The following POLR2F variants were observed in gnomAD, a reference collection of about 807,000 sequenced individuals.
POLR2F encodes the protein DNA-directed RNA polymerases I, II, and III subunit RPABC2.
POLR2F carries 12 observed loss-of-function variants against 22.7 expected under a neutral mutation model. The ratio of observed to expected loss-of-function variants is 0.53; its 90% CI spans 0.34 to 0.86. The LOEUF is 0.86. POLR2F is among the 40% of genes least tolerant of loss of function. The probability of loss-of-function intolerance (pLI) is 0.02; values close to 1 mark genes in which losing one functional copy is unlikely to be tolerated. For synonymous variants in POLR2F, 57 were observed against 66.0 expected (o/e 0.86, Z 0.66); for missense variants, 126 against 171.5 (o/e 0.73, Z 1.48).
chr22:38,001,233 T>C (rs2084766548), intron 1 of POLR2F, among the ~76,000 whole-genome samples: 1 of 152,200 alleles, frequency 6.6e-6, no homozygotes, highest in Non-Finnish European at 1.5e-5. Flanking sequence ...CATGAGTTGT[T>C]GCAAGGCTCA....
At position 37,986,914 on chromosome 22, in the gene POLR2F, G is replaced by T. The variant is rs533782874; in HGVS notation, c.120+602G>T. On this transcript the variant is annotated intron_variant, in intron 1 of 2. Coordinates refer to the POLR2F transcript ENST00000333418. The surrounding 1 kb of genome is among the most constrained non-coding windows in gnomAD (Gnocchi z 4.7). ...GAGCTTGGAGAGGGGAGGGATCCTG[G>T]CTGAAGACACCTGGGCCTCTGCCCC... 3 of 452,120 alleles carry T rather than the reference G, an allele frequency of 6.6e-6. No individual in the cohort carries two copies. Among genetic ancestry groups the T allele is most frequent in the South Asian group, 4.7e-5 (3 of 64,224 alleles). 28.0% of individuals were successfully genotyped at this position (452,120 alleles called of 1,614,324 possible).
At chr22:38,023,610 A>G (rs947042641) in intron 1 of POLR2F, among the ~76,000 whole-genome samples, 4 of 152,092 alleles carry the variant, frequency 2.6e-5, no homozygotes, top group African/African-American at 9.7e-5. Context: ...CTGTATGCCC[A>G]TTAAACACTA....
chr22:38,041,229 T>G, downstream of POLR2F: 19 of 1,373,328 alleles, frequency 1.4e-5, no homozygotes, highest in East Asian at 7.6e-5. Flanking sequence ...CGGTCTAGAC[T>G]GATGGACCAG....
At chr22:38,020,203 A>G (rs1479779905) in intron 1 of POLR2F, among the ~76,000 whole-genome samples, 3 of 105,316 alleles carry the variant, frequency 2.8e-5, no homozygotes, top group Non-Finnish European at 3.7e-5. Context: ...ACACACACAT[A>G]TATACACACA....
At position 37,986,490 on chromosome 22, in the gene POLR2F, T is replaced by C. The variant is rs1053952450; in HGVS notation, c.120+178T>C. The C allele has an allele frequency of 1.1e-5, 15 of 1,378,570 alleles. No individual in the cohort carries two copies. The highest frequency in any genetic ancestry group is 1.4e-5 in the Non-Finnish European group (14 of 1,004,192). The allele number at this position is 1,378,570 out of a possible 1,614,324, so 85.4% of individuals were successfully genotyped here. A position where few individuals can be genotyped will look rare whatever the true frequency, so the allele number is the denominator to read the frequency against. ...TGGGGTCCCACAGCTGCCCCCTCTC[T>C]AACTCCCTGCTTCCTCCTTTGCCCT... is the stretch of plus-strand genomic sequence containing the variant. On this transcript the variant is annotated intron_variant, in intron 1 of 2. Coordinates refer to the POLR2F transcript ENST00000333418. The surrounding 1 kb of genome is among the most constrained non-coding windows in gnomAD (Gnocchi z 4.7).
rs916489152 is a variant in POLR2F at position 37,974,347 on chromosome 22, G to GTTTTTTT, written c.293+7180_293+7186dup. ...TTCACATTTTGGCAGCATGAGTCGG[G>GTTTTTTT]TTTTTTTTTGTTTTTTTTTTTTGAG... On this transcript the variant is annotated intron_variant, in intron 4 of 4. Coordinates refer to the POLR2F transcript ENST00000405557. The surrounding 1 kb of genome is among the most constrained non-coding windows in gnomAD (Gnocchi z 5.4). The GTTTTTTT allele has an allele frequency of 1.7e-6, 1 of 581,626 alleles. No homozygotes were observed. The highest frequency in any genetic ancestry group is 2.0e-5 in the African/African-American group (1 of 49,516). The allele number at this position is 581,626 out of a possible 1,614,324, so 36.0% of individuals were successfully genotyped here.
At chr22:37,955,661 C>T (rs1931365491) in intron 1 of POLR2F, among the ~76,000 whole-genome samples, 1 of 151,798 alleles carries the variant, frequency 6.6e-6, no homozygotes, top group Non-Finnish European at 1.5e-5. Context: ...GAACAAAAGT[C>T]GGATTTACTT....
At chr22:37,970,640 A>G (rs997660489), downstream of POLR2F, 1 of 150,310 alleles carries the variant, frequency 6.7e-6, no homozygotes, top group African/African-American at 2.4e-5. Context: ...AGTGGAGATA[A>G]TAGGACTGAC....
chr22:38,015,174 T>C (rs556686559), intron 1 of POLR2F, among the ~76,000 whole-genome samples: 2 of 152,304 alleles, frequency 1.3e-5, no homozygotes, highest in African/African-American at 4.8e-5. Flanking sequence ...GCTTTGAAGG[T>C]AGAGCTGACA....
chr22:37,963,607 A>T (rs895709388), intron 3 of POLR2F, among the ~76,000 whole-genome samples: 3 of 152,184 alleles, frequency 2.0e-5, no homozygotes, highest in African/African-American at 7.2e-5. Context: ...ACCATAAAGG[A>T]TAGCACAGGG....
At chr22:37,991,411 G>A (rs537614167) in intron 1 of POLR2F, among the ~76,000 whole-genome samples, 6 of 152,158 alleles carry the variant, frequency 3.9e-5, no homozygotes, top group South Asian at 2.1e-4. Flanking sequence ...GAGCCACTGC[G>A]CCTGGCCACC....
downstream of POLR2F, among the ~76,000 whole-genome samples, chr22:38,031,568 G>A (rs755646961): frequency 3.9e-5 from 6 of 152,064 alleles, no homozygotes; most frequent in African/African-American, 9.7e-5. The surrounding 1 kb of genome is among the most constrained non-coding windows in gnomAD (Gnocchi z 4.1). Flanking sequence ...ACCCTGTGCC[G>A]CTGTCCAGGT....
In POLR2F at chr22:38,017,357, T is replaced by C. The variant is rs942198617; in HGVS notation, c.121-8512T>C. 6.6e-6 allele frequency among the ~76,000 whole-genome samples: 1 copy of C among 152,018 alleles called. No homozygotes were observed. The highest frequency in any genetic ancestry group is 2.4e-5 in the African/African-American group (1 of 41,380). On this transcript the variant is annotated intron_variant, in intron 1 of 2. Coordinates refer to the POLR2F transcript ENST00000333418. The surrounding 1 kb of genome is among the most constrained non-coding windows in gnomAD (Gnocchi z 4.1). The stretch of plus-strand genomic sequence containing the variant: ...AGAGTGATCATGCTCAATGTCAGCT[T>C]GGCTCTTGGGGGTCTGTCTCCCAGC...
rs1379431529 is a variant in POLR2F at position 37,986,970 on chromosome 22, T to C, written c.120+658T>C. ...GACAACAGGAGGGCCAGTGTCACCT[T>C]CTCCTCCTTTCCCTGCTGGGGGTGG... is the stretch of plus-strand genomic sequence containing the variant. On this transcript the variant is annotated intron_variant, in intron 1 of 2. Transcript: ENST00000333418. This position sits in a 1 kb window ranked among gnomAD's most constrained non-coding sequence, Gnocchi z 4.7. 1 of 453,070 alleles carries C rather than the reference T, an allele frequency of 2.2e-6. No homozygotes were observed. The highest frequency in any genetic ancestry group is 4.5e-6 in the Non-Finnish European group (1 of 224,342). The allele number at this position is 453,070 out of a possible 1,614,324, so 28.1% of individuals were successfully genotyped here.
At chr22:37,971,363 T>C (rs1932046201), downstream of POLR2F, 1 of 463,816 alleles carries the variant, frequency 2.2e-6, no homozygotes, top group Non-Finnish European at 4.5e-6. Flanking sequence ...AAACCCTTGG[T>C]GGAGCACTTA....
intron 1 of POLR2F, among the ~76,000 whole-genome samples, chr22:37,998,660 G>A (rs538191038): frequency 1.3e-5 from 2 of 152,168 alleles, no homozygotes; most frequent in Admixed American, 6.5e-5. Context: ...GCAGAGGACC[G>A]GCCAGGAGAA....
chr22:37,994,295 C>T (rs550346701), intron 1 of POLR2F, among the ~76,000 whole-genome samples: 1 of 152,244 alleles, frequency 6.6e-6, no homozygotes, highest in East Asian at 1.9e-4. Flanking sequence ...CTCACACACA[C>T]GCACCCCAGC....
intron 1 of POLR2F, among the ~76,000 whole-genome samples, chr22:38,014,877 G>A (rs1403832409): frequency 6.8e-6 from 1 of 146,856 alleles, no homozygotes; most frequent in Admixed American, 6.9e-5. Context: ...GCGCGATCTT[G>A]GCTAACTGCA....
At chr22:38,001,027 G>A (rs139895) in intron 1 of POLR2F, among the ~76,000 whole-genome samples, 93,384 of 151,956 alleles carry the variant, frequency 0.61, 28,840 homozygotes, top group East Asian at 0.75. Context: ...CAGAGGGTAG[G>A]AAAAGGAGCA....
Sources: allele counts gnomAD v4.1 joint callset (sites outside exome capture counted in the v4.1 genomes callset), GRCh38; gene constraint gnomAD v4.1.1; non-coding constraint Gnocchi (gnomAD v3.1); transcripts MANE v1.5; gene names NCBI Gene and HGNC (gene_info 2026-07-23, HGNC 2026-07-21).